SPECC1: variants seen among roughly 807,000 people sequenced by gnomAD.
The protein encoded by SPECC1 is sperm antigen with calponin homology and coiled-coil domains 1, also known as cytospin-B.
A neutral mutation model predicts 104.1 loss-of-function variants in SPECC1; 62 were observed. That is an observed-to-expected ratio of 0.60 (90% CI 0.49 to 0.74). SPECC1 has a LOEUF of 0.74. Ranked by LOEUF, SPECC1 falls within the 30% of genes least tolerant of loss-of-function variation. The probability of loss-of-function intolerance (pLI) is 0.00; values close to 1 mark genes in which losing one functional copy is unlikely to be tolerated. For synonymous variants in SPECC1, 513 were observed against 501.6 expected (o/e 1.02, Z -0.30); for missense variants, 1,306 against 1,310.5 (o/e 1.00, Z 0.05).
At chr17:20,057,171 G>A (rs2045996490) in intron 1 of SPECC1, among the ~76,000 whole-genome samples, 1 of 152,202 alleles carries the variant, frequency 6.6e-6, no homozygotes, top group African/African-American at 2.4e-5. Context: ...GCCGGGTGCG[G>A]TGGCTCATGC....
intron 12 of SPECC1, among the ~76,000 whole-genome samples, chr17:20,284,775 C>G (rs2040886260): frequency 6.6e-6 from 1 of 152,160 alleles, no homozygotes; most frequent in South Asian, 2.1e-4. Context: ...TAATAAAGAC[C>G]AATTGGGAAA....
At chr17:20,253,071 T>C (rs1292515052) in intron 9 of SPECC1, among the ~76,000 whole-genome samples, 2 of 151,870 alleles carry the variant, frequency 1.3e-5, no homozygotes, top group Non-Finnish European at 2.9e-5. Flanking sequence ...GTCTTCCTAA[T>C]AAATGTGAGG....
chr17:20,114,423 C>G (rs2152527656), intron 3 of SPECC1, among the ~76,000 whole-genome samples: 1 of 152,136 alleles, frequency 6.6e-6, no homozygotes, highest in East Asian at 1.9e-4. Flanking sequence ...ATCTACTGAC[C>G]TTGTGATCCA....
chr17:20,212,796 A>G (rs913937263), intron 4 of SPECC1, among the ~76,000 whole-genome samples: 1 of 152,250 alleles, frequency 6.6e-6, no homozygotes, highest in African/African-American at 2.4e-5. Context: ...CGAATGAATG[A>G]ATGTCAGAGA....
chr17:20,043,976 A>C (rs9914328), intron 1 of SPECC1, among the ~76,000 whole-genome samples: 10,524 of 152,104 alleles, frequency 0.069, 982 homozygotes, highest in African/African-American at 0.21. Flanking sequence ...GTATCTTTTC[A>C]ATTTTTATAT....
intron 3 of SPECC1, among the ~76,000 whole-genome samples, chr17:20,156,934 G>A (rs913014128): frequency 6.6e-6 from 1 of 152,140 alleles, no homozygotes; most frequent in Non-Finnish European, 1.5e-5. Flanking sequence ...CTGAAAAATG[G>A]CATCTTGGCT....
chr17:20,221,870 TTTTC>T (rs1428310730), intron 4 of SPECC1, among the ~76,000 whole-genome samples: 1 of 152,148 alleles, frequency 6.6e-6, no homozygotes, highest in Non-Finnish European at 1.5e-5. Flanking sequence ...CATTTTAATT[TTTTC>T]TTCTTAATTC....
At chr17:20,060,808 T>C (rs1227735594) in intron 1 of SPECC1, among the ~76,000 whole-genome samples, 1 of 152,204 alleles carries the variant, frequency 6.6e-6, no homozygotes, top group Non-Finnish European at 1.5e-5. Context: ...ACTGATGTGA[T>C]GGTACAAAAT....
At chr17:20,163,970 C>T (rs1198274676) in intron 3 of SPECC1, among the ~76,000 whole-genome samples, 1 of 152,108 alleles carries the variant, frequency 6.6e-6, no homozygotes, top group South Asian at 2.1e-4. Flanking sequence ...AAGGTTGACC[C>T]TGTAACTCTT....
chr17:20,113,002 G>C, intron 3 of SPECC1: 2 of 921,058 alleles, frequency 2.2e-6, no homozygotes, highest in Non-Finnish European at 3.6e-6. Context: ...AATTTTAGGG[G>C]CTGGAGGAAC....
chr17:20,137,117 T>C (rs2030089964), intron 3 of SPECC1, among the ~76,000 whole-genome samples: 1 of 152,286 alleles, frequency 6.6e-6, no homozygotes, highest in African/African-American at 2.4e-5. Flanking sequence ...TTCCGAGATT[T>C]CTGCCCACTC....
chr17:20,267,308 C>T (rs898448866), intron 12 of SPECC1, among the ~76,000 whole-genome samples: 1 of 152,174 alleles, frequency 6.6e-6, no homozygotes, highest in East Asian at 1.9e-4. Flanking sequence ...ATAACTCCTA[C>T]CCCTCCCTTT....
Position 20,205,403 on chromosome 17 carries a change from A to C in SPECC1, c.1354A>C (p.Lys452Gln), listed in dbSNP as rs1378865107. ...GATGAATCTTTTACAAGAGCGAGTA[A>C]AGAATGAAGAGCCCACCACTCAGGA... ...KLMNLLQERV[K>Q]NEEPTTQEGK... The change falls in exon 4 of 15, where the codon AAG becomes CAG. Residue 452 changes from lysine to glutamine, a missense_variant. Transcript: ENST00000395527. 3 of 1,613,784 alleles carry C rather than the reference A, an allele frequency of 1.9e-6. No homozygotes were observed. The highest frequency in any genetic ancestry group is 2.7e-5 in the African/African-American group (2 of 74,882).
intron 12 of SPECC1, among the ~76,000 whole-genome samples, chr17:20,287,188 C>T (rs1161089606): frequency 2.0e-5 from 3 of 152,104 alleles, no homozygotes; most frequent in Non-Finnish European, 4.4e-5. Flanking sequence ...GAGGCCGAGG[C>T]GGGTGGATCA....
At position 20,063,496 on chromosome 17, in the gene SPECC1, A is replaced by G. The variant is rs1403703319; in HGVS notation, c.-21-33135A>G. 3.3e-5 allele frequency among the ~76,000 whole-genome samples: 5 copies of G among 152,136 alleles called. No individual in the cohort carries two copies. The East Asian group carries it at 9.6e-4, about 29-fold the overall frequency. ...TCAGCTTTTCATTTTATTAATCTTC[A>G]AGGTCATTTAAAAAATGTTTTCTGT... On this transcript the variant is annotated intron_variant, in intron 1 of 14. Transcript: ENST00000395527.
chr17:20,051,531 A>G (rs986490891), intron 1 of SPECC1, among the ~76,000 whole-genome samples: 2 of 152,162 alleles, frequency 1.3e-5, no homozygotes, highest in Non-Finnish European at 2.9e-5. Context: ...AATTTGTTAT[A>G]TGCTTTCTTT....
chr17:20,281,427 C>G (rs1455713897), intron 12 of SPECC1, among the ~76,000 whole-genome samples: 1 of 152,198 alleles, frequency 6.6e-6, no homozygotes, highest in Non-Finnish European at 1.5e-5. Flanking sequence ...TCCTGCCTGC[C>G]TGCACCACAG....
chr17:20,109,075 T>G (rs905595345), intron 2 of SPECC1, among the ~76,000 whole-genome samples: 3 of 152,236 alleles, frequency 2.0e-5, no homozygotes, highest in Admixed American at 6.5e-5. Flanking sequence ...TCACCAACAC[T>G]TGGTATTGGT....
At chr17:20,277,936 T>C (rs1481955209) in intron 12 of SPECC1, among the ~76,000 whole-genome samples, 2 of 152,180 alleles carry the variant, frequency 1.3e-5, no homozygotes, top group Non-Finnish European at 2.9e-5. Flanking sequence ...GTCCACCTTC[T>C]CCTCTCCATA....
Sources: allele counts gnomAD v4.1 joint callset (sites outside exome capture counted in the v4.1 genomes callset), GRCh38; gene constraint gnomAD v4.1.1; transcripts MANE v1.5; gene names NCBI Gene and HGNC (gene_info 2026-07-23, HGNC 2026-07-21).